GMDS: variants seen among roughly 807,000 people sequenced by gnomAD.
The protein encoded by GMDS is GDP-mannose 4,6-dehydratase.
In GMDS, 20 loss-of-function variants were observed where a neutral mutation model predicts 49.9. That is an observed-to-expected ratio of 0.40 (90% confidence interval 0.28 to 0.58). The LOEUF (loss-of-function observed/expected upper bound fraction) is 0.58. GMDS is among the 20% of genes least tolerant of loss of function. The pLI is 0.42. For missense variants in GMDS, 362 were observed against 481.4 expected (o/e 0.75, Z 2.32); for synonymous variants, 177 against 178.6 (o/e 0.99, Z 0.07).
intron 1 of GMDS, among the ~76,000 whole-genome samples, chr6:2,142,413 T>C (rs1342534659): frequency 6.6e-6 from 1 of 151,962 alleles, no homozygotes; most frequent in Non-Finnish European, 1.5e-5. Flanking sequence ...AGTGGTGTCC[T>C]TATTTAAAAA....
At chr6:2,077,572 G>A (rs953009889) in intron 4 of GMDS, among the ~76,000 whole-genome samples, 14 of 152,046 alleles carry the variant, frequency 9.2e-5, no homozygotes, top group African/African-American at 2.9e-4. Flanking sequence ...CTGCTTACGT[G>A]ATGTATCACA....
At chr6:2,135,911 G>A (rs549771012) in intron 1 of GMDS, among the ~76,000 whole-genome samples, 4 of 152,066 alleles carry the variant, frequency 2.6e-5, no homozygotes, top group East Asian at 1.9e-4. Flanking sequence ...ACATAACAAC[G>A]GGGAAACATT....
intron 9 of GMDS, among the ~76,000 whole-genome samples, chr6:1,658,665 C>T (rs1431256046): frequency 1.3e-5 from 2 of 152,242 alleles, no homozygotes; most frequent in Non-Finnish European, 2.9e-5. Flanking sequence ...TCAACATATA[C>T]ATTTGGAATT....
chr6:1,946,880 C>T (rs746210573), intron 6 of GMDS, among the ~76,000 whole-genome samples: 21 of 152,198 alleles, frequency 1.4e-4, no homozygotes, highest in Non-Finnish European at 2.8e-4. Context: ...TCACAAGGAG[C>T]ACTCAACTAT....
chr6:2,128,122 C>A (rs1775552439), intron 1 of GMDS, among the ~76,000 whole-genome samples: 1 of 151,518 alleles, frequency 6.6e-6, no homozygotes, highest in African/African-American at 2.4e-5. Context: ...AAATGCCATA[C>A]TATTTTGAGC....
At chr6:2,196,239 G>A (rs753102482) in intron 1 of GMDS, among the ~76,000 whole-genome samples, 4 of 152,164 alleles carry the variant, frequency 2.6e-5, no homozygotes, top group East Asian at 1.9e-4. Context: ...ACTAAAACAC[G>A]CAGATGCTAT....
chr6:1,679,305 T>C (rs184835282), intron 9 of GMDS: 1 of 152,340 alleles, frequency 6.6e-6, no homozygotes, highest in Admixed American at 6.5e-5. Context: ...TATGAATTGT[T>C]TTAGGCCATC....
intron 1 of GMDS, among the ~76,000 whole-genome samples, chr6:2,126,822 C>T (rs1208052811): frequency 1.3e-5 from 2 of 152,028 alleles, no homozygotes; most frequent in African/African-American, 4.8e-5. Context: ...TTAGTAGAGA[C>T]GGGTTTTCAC....
At chr6:1,874,050 C>A (rs7747565) in intron 7 of GMDS, among the ~76,000 whole-genome samples, 2 of 152,198 alleles carry the variant, frequency 1.3e-5, no homozygotes, top group African/African-American at 4.8e-5. Context: ...ACCACTGCCT[C>A]GAACAGGGCA....
chr6:1,914,840 T>C (rs1337894354), intron 7 of GMDS, among the ~76,000 whole-genome samples: 1 of 152,238 alleles, frequency 6.6e-6, no homozygotes, highest in Non-Finnish European at 1.5e-5. Context: ...CACAGCAGTG[T>C]GGTCATGTAC....
At chr6:1,757,430 T>C (rs1248835014) in intron 7 of GMDS, among the ~76,000 whole-genome samples, 1 of 152,196 alleles carries the variant, frequency 6.6e-6, no homozygotes, top group African/African-American at 2.4e-5. Context: ...CCTGGCCCAG[T>C]AGGAACAACA....
In GMDS at chr6:2,057,975, G is replaced by A. The variant is rs139921107; in HGVS notation, c.345+57796C>T. Among the ~76,000 whole-genome samples, 545 of 152,036 alleles carry A rather than the reference G, an allele frequency of 3.6e-3. 1 individual carries two copies. The highest frequency in any genetic ancestry group is 0.017 in the Middle Eastern group (5 of 294). ...GGCAGCACGGGTCTAGAGGCACTTCGGGGTACACCACAGAGAAACATCTCC... is the reference window on the plus strand; with the variant it reads ...GGCAGCACGGGTCTAGAGGCACTTCAGGGTACACCACAGAGAAACATCTCC... On this transcript the variant is annotated intron_variant, in intron 4 of 10. Coordinates refer to ENST00000380815, the MANE Select transcript of GMDS (RefSeq NM_001500.4).
intron 4 of GMDS, among the ~76,000 whole-genome samples, chr6:1,995,759 T>TG (rs1766237336): frequency 6.6e-6 from 1 of 152,194 alleles, no homozygotes; most frequent in African/African-American, 2.4e-5. Context: ...TCAGGGCACG[T>TG]GGCTTGGGAA....
chr6:1,990,204 G>A (rs1304463633), intron 4 of GMDS, among the ~76,000 whole-genome samples: 1 of 152,178 alleles, frequency 6.6e-6, no homozygotes, highest in African/African-American at 2.4e-5. Flanking sequence ...ACTGAGGCAG[G>A]AGAATCGCTT....
intron 4 of GMDS, among the ~76,000 whole-genome samples, chr6:2,090,426 T>C (rs1224752198): frequency 6.6e-6 from 1 of 152,192 alleles, no homozygotes; most frequent in Non-Finnish European, 1.5e-5. Flanking sequence ...CACTAAAAAC[T>C]GTTATTAGGC....
At chr6:2,038,667 T>A (rs1327047179) in intron 4 of GMDS, among the ~76,000 whole-genome samples, 1 of 152,168 alleles carries the variant, frequency 6.6e-6, no homozygotes, top group African/African-American at 2.4e-5. Flanking sequence ...CATTAATTCC[T>A]CCCGAAATAT....
At chr6:2,100,749 C>A (rs541002463) in intron 4 of GMDS, among the ~76,000 whole-genome samples, 1 of 151,738 alleles carries the variant, frequency 6.6e-6, no homozygotes, top group East Asian at 1.9e-4. Flanking sequence ...GGGCACTACA[C>A]AAAATGTCAT....
chr6:2,203,347 T>A lies in GMDS; in HGVS notation c.102+41974A>T, dbSNP rs542510568. ...AAACAATTCTCCAATTTAAAAATAATACGGCCTTCCCTGTCGGGCTTTGCT... is the reference window on the plus strand; with the variant it reads ...AAACAATTCTCCAATTTAAAAATAAAACGGCCTTCCCTGTCGGGCTTTGCT... On this transcript the variant is annotated intron_variant, in intron 1 of 10. Coordinates refer to ENST00000380815, the MANE Select transcript of GMDS (RefSeq NM_001500.4). Among the ~76,000 whole-genome samples the A allele has an allele frequency of 2.6e-5, 4 of 152,352 alleles. No individual in the cohort carries two copies. The South Asian group carries it at 8.3e-4, about 32-fold the overall frequency.
At chr6:2,182,586 T>G (rs1293432679) in intron 1 of GMDS, among the ~76,000 whole-genome samples, 1 of 152,210 alleles carries the variant, frequency 6.6e-6, no homozygotes, top group African/African-American at 2.4e-5. Flanking sequence ...CCTTAAGAAT[T>G]TTGTTAAATC....
Sources: allele counts gnomAD v4.1 joint callset (sites outside exome capture counted in the v4.1 genomes callset), GRCh38; gene constraint gnomAD v4.1.1; transcripts MANE v1.5; gene names NCBI Gene and HGNC (gene_info 2026-07-23, HGNC 2026-07-21).